Variants in YLPM1 observed in about 807,000 individuals in gnomAD.
YLPM1 encodes YLP motif-containing protein 1.
In YLPM1, 99 loss-of-function variants were observed where a neutral mutation model predicts 230.0. The observed-to-expected ratio is 0.43, with a 90% CI of 0.37 to 0.51. The LOEUF (loss-of-function observed/expected upper bound fraction) is 0.51. YLPM1 is among the 20% of genes least tolerant of loss of function. The pLI, the probability that YLPM1 is intolerant of heterozygous loss-of-function variation, is 0.00. For missense variants in YLPM1, 2,592 were observed against 2,707.7 expected (o/e 0.96, Z 0.95); for synonymous variants, 984 against 942.5 (o/e 1.04, Z -0.81).
intron 1 of YLPM1, among the ~76,000 whole-genome samples, chr14:74,769,229 C>G (rs1477041344): frequency 6.8e-6 from 1 of 146,056 alleles, no homozygotes; most frequent in African/African-American, 2.5e-5. Context: ...TGCCTGCCAC[C>G]ACGCCCGGCT....
chr14:74,772,440 C>T (rs1040909261), intron 1 of YLPM1, among the ~76,000 whole-genome samples: 1 of 151,428 alleles, frequency 6.6e-6, no homozygotes, highest in Non-Finnish European at 1.5e-5. Context: ...CTCACTGCAA[C>T]CTCCGCCTCC....
intron 17 of YLPM1, chr14:74,821,710 T>C (rs1448140664): frequency 6.6e-6 from 1 of 152,254 alleles, no homozygotes; most frequent in Non-Finnish European, 1.5e-5. Context: ...AGTTTCTGTG[T>C]ACCTAATGTA....
chr14:74,767,626 G>A (rs2193597), intron 1 of YLPM1, among the ~76,000 whole-genome samples: 103,961 of 152,052 alleles, frequency 0.68, 35,702 homozygotes, highest in East Asian at 0.78. Context: ...ACATTGCCAA[G>A]TATCCCCTGG....
intron 18 of YLPM1, among the ~76,000 whole-genome samples, chr14:74,826,249 A>G (rs2091560995): frequency 6.6e-6 from 1 of 152,210 alleles, no homozygotes; most frequent in African/African-American, 2.4e-5. Flanking sequence ...CATTCTTGAA[A>G]GTGCTTAGTA....
Position 74,772,217 on chromosome 14 carries a change from C to CT in YLPM1, c.874-6214dup, listed in dbSNP as rs543491337. 2.5e-3 allele frequency among the ~76,000 whole-genome samples: 344 copies of CT among 138,728 alleles called. 1 individual carries two copies. Among genetic ancestry groups the CT allele is most frequent in the Middle Eastern group, 3.9e-3 (1 of 256 alleles). 91.0% of individuals were successfully genotyped at this position (138,728 alleles called of 152,430 possible). A position where few individuals can be genotyped will look rare whatever the true frequency, so the allele number is the denominator to read the frequency against. On this transcript the variant is annotated intron_variant, in intron 1 of 20. Coordinates refer to ENST00000325680, the MANE Select transcript of YLPM1 (RefSeq NM_019589.3). The stretch of plus-strand genomic sequence containing the variant: ...TGAGTAAATTAAAATCAACATCTTT[C>CT]TTTTTTTTTTTTTTTTCTCAGAGAG...
In YLPM1 at chr14:74,817,096, A is replaced by C; in HGVS notation, c.5851A>C (p.Lys1951Gln). 2 of 1,603,188 alleles carry C rather than the reference A, an allele frequency of 1.2e-6. No individual in the cohort carries two copies. The highest frequency in any genetic ancestry group is 1.7e-6 in the Non-Finnish European group (2 of 1,175,876). The change falls in exon 14 of 21, where the codon AAG becomes CAG. Residue 1951 changes from lysine to glutamine, a missense_variant. Physicochemically the swap from Lys to Gln is moderately conservative, Grantham distance 53. Coordinates refer to ENST00000325680, the MANE Select transcript of YLPM1 (RefSeq NM_019589.3). ...FDQFWSAAKT[K>Q]GFEVYLAEMS... ...CCAGTTTTGGAGTGCAGCAAAAACC[A>C]AGGGATTTGAGGTAGAAGCTTAAAG...
At chr14:74,818,978 C>T (rs557377820) in intron 16 of YLPM1, among the ~76,000 whole-genome samples, 30 of 152,208 alleles carry the variant, frequency 2.0e-4, no homozygotes, top group African/African-American at 7.2e-4. Context: ...TGATACTGTG[C>T]CCTCTCAGTG....
chr14:74,779,406 A>C (rs568034688), intron 2 of YLPM1, among the ~76,000 whole-genome samples: 1 of 152,250 alleles, frequency 6.6e-6, no homozygotes, highest in South Asian at 2.1e-4. Context: ...GGTATATTCA[A>C]TAGTAGCTAT....
chr14:74,811,233 G>T (rs2091431427), intron 9 of YLPM1, among the ~76,000 whole-genome samples: 1 of 152,210 alleles, frequency 6.6e-6, no homozygotes, highest in Admixed American at 6.5e-5. Context: ...TGTAATCCTA[G>T]CACTTTGGGA....
intron 19 of YLPM1, among the ~76,000 whole-genome samples, chr14:74,834,611 A>G (rs187651915): frequency 1.1e-4 from 16 of 152,366 alleles, no homozygotes; most frequent in Non-Finnish European, 1.9e-4. Flanking sequence ...AAGGATGACT[A>G]GACTCATGCC....
At chr14:74,765,301 A>G (rs1446418431) in intron 1 of YLPM1, among the ~76,000 whole-genome samples, 3 of 152,230 alleles carry the variant, frequency 2.0e-5, no homozygotes, top group African/African-American at 7.2e-5. Context: ...AGATTCACTA[A>G]GGAAAAAAGA....
At chr14:74,815,584 CT>C (rs1220221940) in intron 11 of YLPM1, among the ~76,000 whole-genome samples, 1 of 151,306 alleles carries the variant, frequency 6.6e-6, no homozygotes, top group Non-Finnish European at 1.5e-5. Context: ...AAAAGTTGGT[CT>C]TTTTAAAGAA....
At position 74,799,045 on chromosome 14, in the gene YLPM1, GCAC is replaced by G. The variant is rs2091295960; in HGVS notation, c.3754_3756del (p.Pro1252del). The stretch of plus-strand genomic sequence containing the variant: ...CTATAACAGAGAGGACAGGTTCTCA[GCAC>G]CACCATCTCGGTCTCATGATGGAGA... On this transcript the variant is annotated inframe_deletion, in exon 5 of 21. Coordinates refer to ENST00000325680, the MANE Select transcript of YLPM1 (RefSeq NM_019589.3). 10 of 1,613,992 alleles carry G rather than the reference GCAC, an allele frequency of 6.2e-6. No homozygotes were observed. The highest frequency in any genetic ancestry group is 8.5e-6 in the Non-Finnish European group (10 of 1,179,892).
At chr14:74,808,567 C>T (rs1328600906) in intron 6 of YLPM1, among the ~76,000 whole-genome samples, 2 of 152,050 alleles carry the variant, frequency 1.3e-5, no homozygotes, top group African/African-American at 4.8e-5. Flanking sequence ...TTTTGGGAGG[C>T]TGAGGTGGGT....
intron 15 of YLPM1, 89 bp from the exon 16 acceptor site, chr14:74,818,142 A>G: frequency 1.6e-6 from 1 of 638,318 alleles, no homozygotes; most frequent in Non-Finnish European, 2.4e-6. Context: ...CAATATTTTA[A>G]AATATTGTTA....
chr14:74,826,565 C>T (rs1028021237), intron 18 of YLPM1, among the ~76,000 whole-genome samples: 28 of 152,158 alleles, frequency 1.8e-4, no homozygotes, highest in African/African-American at 6.8e-4. Context: ...ACATACTTAC[C>T]TATAGTCTTT....
chr14:74,788,182 G>A (rs1277964805), intron 4 of YLPM1, among the ~76,000 whole-genome samples: 12 of 150,998 alleles, frequency 7.9e-5, no homozygotes, highest in African/African-American at 2.7e-4. Context: ...GTGCAGTGGC[G>A]CAATCTCAGC....
intron 1 of YLPM1, among the ~76,000 whole-genome samples, chr14:74,765,873 G>C (rs535709912): frequency 6.6e-4 from 100 of 152,310 alleles, no homozygotes; most frequent in African/African-American, 2.3e-3. Flanking sequence ...TCTTTGGTGA[G>C]AGGCAGAGTG....
chr14:74,828,016 C>T, intron 18 of YLPM1: 1 of 985,090 alleles, frequency 1.0e-6, no homozygotes, highest in Non-Finnish European at 1.2e-6. Flanking sequence ...CAATGATAAT[C>T]ACTTTTATGG....
Sources: allele counts gnomAD v4.1 joint callset (sites outside exome capture counted in the v4.1 genomes callset), GRCh38; gene constraint gnomAD v4.1.1; transcripts MANE v1.5; gene names NCBI Gene and HGNC (gene_info 2026-07-23, HGNC 2026-07-21).